ACOT11: variants seen among roughly 807,000 people sequenced by gnomAD.
ACOT11 encodes acyl-coenzyme A thioesterase 11.
ACOT11 carries 69 observed loss-of-function variants against 77.5 expected under a neutral mutation model. The observed-to-expected ratio is 0.89, with a 90% confidence interval of 0.73 to 1.09. The LOEUF (loss-of-function observed/expected upper bound fraction) is 1.09. Ranked by LOEUF, ACOT11 falls within the 50% of genes least tolerant of loss-of-function variation. ACOT11 has a pLI of 0.00. For synonymous variants in ACOT11, 279 were observed against 313.0 expected (o/e 0.89, Z 1.15); for missense variants, 766 against 813.7 (o/e 0.94, Z 0.71).
chr1:54,608,383 A>G (rs1644058983), intron 15 of ACOT11, among the ~76,000 whole-genome samples: 1 of 151,462 alleles, frequency 6.6e-6, no homozygotes, highest in South Asian at 2.1e-4. Flanking sequence ...GCTTTATATG[A>G]CTCTGAGGGC....
At position 54,604,464 on chromosome 1, in the gene ACOT11, A is replaced by G. The variant is rs1227243351; in HGVS notation, c.1236+35A>G. The G allele has an allele frequency of 1.9e-6, 3 of 1,599,908 alleles. No homozygotes were observed. The African/African-American group carries it at 4.0e-5, about 21-fold the overall frequency. On this transcript the variant is annotated intron_variant, in intron 12 of 15. Coordinates refer to ENST00000343744, the MANE Select transcript of ACOT11 (RefSeq NM_147161.4). ...CCCACCCACCCAATTTTCCTTTCTCATCTGAGCCAGAGGTGGCTAATGGCA... is the reference window on the plus strand; with the variant it reads ...CCCACCCACCCAATTTTCCTTTCTCGTCTGAGCCAGAGGTGGCTAATGGCA...
At chr1:54,564,536 G>C (rs553343542) in intron 1 of ACOT11, among the ~76,000 whole-genome samples, 1 of 152,394 alleles carries the variant, frequency 6.6e-6, no homozygotes, top group African/African-American at 2.4e-5. Flanking sequence ...AGGTCGGAAG[G>C]GGAGTGGCCT....
downstream of ACOT11, chr1:54,611,462 G>A (rs72903830): frequency 2.4e-3 from 1,773 of 726,174 alleles, 25 homozygotes; most frequent in African/African-American, 0.028. Context: ...CCCAGGGCCT[G>A]GCACACAAAA....
chr1:54,611,558 T>C (rs747454916), downstream of ACOT11: 1 of 1,602,002 alleles, frequency 6.2e-7, no homozygotes, highest in Non-Finnish European at 8.5e-7. Flanking sequence ...CAGGTGCTGC[T>C]CCATGCAGAA....
intron 1 of ACOT11, among the ~76,000 whole-genome samples, chr1:54,557,557 G>A (rs1360458753): frequency 6.6e-6 from 1 of 152,108 alleles, no homozygotes; most frequent in Non-Finnish European, 1.5e-5. Context: ...TGGAATTACA[G>A]GCATGAGCCA....
At chr1:54,599,953 G>A (rs1440558882) in intron 8 of ACOT11, among the ~76,000 whole-genome samples, 2 of 152,150 alleles carry the variant, frequency 1.3e-5, no homozygotes, top group African/African-American at 2.4e-5. Context: ...CCAGGCTGCC[G>A]GATTCGAGTT....
exon 17 of ACOT11, chr1:54,636,749 C>T (rs1644333155): frequency 6.6e-6 from 1 of 152,614 alleles, no homozygotes; most frequent in African/African-American, 2.4e-5. Context: ...AAACCTTGGA[C>T]AATACCTGGC....
intron 7 of ACOT11, 71 bp from the exon 8 acceptor site, chr1:54,599,213 TATATATATATAA>T (rs1454082779): frequency 0.061 from 4,864 of 79,926 alleles, 430 homozygotes; most frequent in Admixed American, 0.11. Flanking sequence ...TATATATATA[TATATATATATAA>T]AAATCTGGCC....
rs527689243 is a variant in ACOT11 at position 54,602,876 on chromosome 1, G to A, written c.1085+152G>A. On this transcript the variant is annotated intron_variant, in intron 10 of 15. Coordinates refer to ENST00000343744, the MANE Select transcript of ACOT11 (RefSeq NM_147161.4). ...TCTCGTTTTGGTCTTATTACACAGC[G>A]GTCTTCTGGCCTGTTGTACACACGA... is the stretch of plus-strand genomic sequence containing the variant. 2.3e-5 allele frequency: 20 copies of A among 859,470 alleles called. No individual in the cohort carries two copies. The East Asian group carries it at 4.4e-4, about 19-fold the overall frequency. The allele number at this position is 859,470 out of a possible 1,614,324, so 53.2% of individuals were successfully genotyped here.
intron 1 of ACOT11, among the ~76,000 whole-genome samples, chr1:54,549,303 G>A (rs138903954): frequency 5.3e-5 from 8 of 152,284 alleles, no homozygotes; most frequent in South Asian, 2.1e-4. Flanking sequence ...TACTTGAGAC[G>A]AAGGGATGTT....
intron 15 of ACOT11, chr1:54,619,943 C>A: frequency 6.2e-7 from 1 of 1,614,216 alleles, no homozygotes; most frequent in African/African-American, 1.3e-5. Flanking sequence ...GCCGGCTGAT[C>A]TGGCCCAGGC....
intron 1 of ACOT11, among the ~76,000 whole-genome samples, chr1:54,549,720 G>T (rs1652996691): frequency 6.6e-6 from 1 of 152,232 alleles, no homozygotes; most frequent in Non-Finnish European, 1.5e-5. Flanking sequence ...GGTGTGGCCA[G>T]AGGCCAGGGA....
chr1:54,574,340 C>G (rs1251726141), intron 1 of ACOT11, among the ~76,000 whole-genome samples: 2 of 152,188 alleles, frequency 1.3e-5, no homozygotes, highest in Non-Finnish European at 2.9e-5. Context: ...CCAGCTGCCC[C>G]TCGGTGTAGC....
intron 3 of ACOT11, among the ~76,000 whole-genome samples, chr1:54,587,134 A>C (rs1654529751): frequency 1.3e-5 from 2 of 152,210 alleles, no homozygotes; most frequent in Non-Finnish European, 2.9e-5. Flanking sequence ...AGTCCACTGG[A>C]GCACAGCCTC....
At chr1:54,555,378 T>C (rs1284986787) in intron 1 of ACOT11, among the ~76,000 whole-genome samples, 1 of 152,242 alleles carries the variant, frequency 6.6e-6, no homozygotes, top group East Asian at 1.9e-4. Context: ...TGGTGGACAT[T>C]TGTATAGCTT....
rs181189330 is a variant in ACOT11, at chr1:54,578,205, C to T, written c.34-6450C>T. Among the ~76,000 whole-genome samples, 463 of 152,186 alleles carry T rather than the reference C, an allele frequency of 3.0e-3. 1 individual carries two copies. The highest frequency in any genetic ancestry group is 0.01 in the African/African-American group (415 of 41,458). On this transcript the variant is annotated intron_variant, in intron 1 of 15. Transcript: ENST00000343744. ...CATTGGCCTGGCTGTGCTTGCTGCCCGTTAAGAATCTGGCTCAGCCTCAGC... is the reference window on the plus strand; with the variant it reads ...CATTGGCCTGGCTGTGCTTGCTGCCTGTTAAGAATCTGGCTCAGCCTCAGC...
intron 1 of ACOT11, among the ~76,000 whole-genome samples, chr1:54,579,777 C>T (rs1445547356): frequency 6.6e-6 from 1 of 152,204 alleles, no homozygotes; most frequent in Non-Finnish European, 1.5e-5. Context: ...TGCAGTTTTG[C>T]ACCCTGGGTT....
chr1:54,584,560 TC>T lies in ACOT11; in HGVS notation c.34-90del. 1 of 1,221,910 alleles carries T rather than the reference TC, an allele frequency of 8.2e-7. No individual in the cohort carries two copies. Among genetic ancestry groups the T allele is most frequent in the Admixed American group, 2.2e-5 (1 of 45,478 alleles). The allele number at this position is 1,221,910 out of a possible 1,614,324, so 75.7% of individuals were successfully genotyped here. On this transcript the variant is annotated intron_variant, in intron 1 of 15. Transcript: ENST00000343744. This position sits in a 1 kb window ranked among gnomAD's most constrained non-coding sequence, Gnocchi z 6.3. The stretch of plus-strand genomic sequence containing the variant: ...GGGAGGTGGCCCTAGGTACTCTCTC[TC>T]CCCCAGACCCTAAGTTCTCAGGGCT...
intron 16 of ACOT11, among the ~76,000 whole-genome samples, chr1:54,632,192 A>G (rs1021336026): frequency 2.0e-5 from 3 of 152,214 alleles, no homozygotes; most frequent in African/African-American, 7.2e-5. Flanking sequence ...AAAGAAGGGA[A>G]CCCAATTTCA....
Sources: allele counts gnomAD v4.1 joint callset (sites outside exome capture counted in the v4.1 genomes callset), GRCh38; gene constraint gnomAD v4.1.1; non-coding constraint Gnocchi (gnomAD v3.1); transcripts MANE v1.5; gene names NCBI Gene and HGNC (gene_info 2026-07-23, HGNC 2026-07-21).